Variants in RALYL observed in about 807,000 individuals in gnomAD.
The protein encoded by RALYL is RALY RNA binding protein like, also known as RNA-binding Raly-like protein.
A neutral mutation model predicts 35.1 loss-of-function variants in RALYL; 29 were observed. That is an observed-to-expected ratio of 0.83 (90% CI 0.61 to 1.13). RALYL has a LOEUF of 1.13. RALYL is among the 50% of genes most tolerant of loss of function. The pLI, the probability that RALYL is intolerant of heterozygous loss-of-function variation, is 0.00. For synonymous variants in RALYL, 120 were observed against 127.6 expected (o/e 0.94, Z 0.40); for missense variants, 359 against 360.4 (o/e 1.00, Z 0.03).
intron 4 of RALYL, among the ~76,000 whole-genome samples, chr8:84,841,990 C>A (rs1371489031): frequency 6.6e-6 from 1 of 152,196 alleles, no homozygotes; most frequent in Non-Finnish European, 1.5e-5. Context: ...AAATTCATAG[C>A]ACTAAATGCC....
chr8:84,372,888 T>TTTTTTTTTG (rs1374654819), intron 1 of RALYL, among the ~76,000 whole-genome samples: 9 of 107,580 alleles, frequency 8.4e-5, no homozygotes, highest in African/African-American at 3.8e-4. Context: ...CAGCATCTGT[T>TTTTTTTTTG]TTTTTTTTTT....
At chr8:84,560,544 G>T (rs1231177193) in intron 2 of RALYL, among the ~76,000 whole-genome samples, 1 of 151,794 alleles carries the variant, frequency 6.6e-6, no homozygotes, top group African/African-American at 2.4e-5. Context: ...ACTATTTCTA[G>T]CAATGCTCCC....
At chr8:84,337,915 G>A (rs1356843140) in intron 1 of RALYL, among the ~76,000 whole-genome samples, 2 of 151,880 alleles carry the variant, frequency 1.3e-5, no homozygotes, top group Non-Finnish European at 2.9e-5. Context: ...CCATTCACTG[G>A]GAGCTTAAAA....
At chr8:84,522,310 C>T (rs901910640) in intron 1 of RALYL, among the ~76,000 whole-genome samples, 32 of 143,180 alleles carry the variant, frequency 2.2e-4, no homozygotes, top group East Asian at 8.4e-4. Context: ...AGTGCAGTGG[C>T]GGGATCTCGG....
chr8:84,696,172 G>A (rs1483591745), intron 2 of RALYL, among the ~76,000 whole-genome samples: 3 of 151,338 alleles, frequency 2.0e-5, no homozygotes, highest in Admixed American at 6.6e-5. Context: ...AGTGCACAAA[G>A]TATATTATTT....
At chr8:84,471,168 C>G (rs778819411) in intron 1 of RALYL, among the ~76,000 whole-genome samples, 4 of 152,184 alleles carry the variant, frequency 2.6e-5, no homozygotes, top group Admixed American at 6.5e-5. Context: ...AAAGTCAAAT[C>G]ACACCATGTC....
In RALYL at chr8:84,854,300, C is replaced by A. The variant is rs191990360; in HGVS notation, c.413+4273C>A. ...GGCAGAGGTTGCAGTGAGCCGAGAT[C>A]GTGCCACTGCACTCCAGCCTGGGGA... On this transcript the variant is annotated intron_variant, in intron 5 of 8. Coordinates refer to ENST00000521268, the MANE Select transcript of RALYL (RefSeq NM_173848.7). Among the ~76,000 whole-genome samples the A allele has an allele frequency of 2.0e-3, 300 of 151,138 alleles. 3 individuals are homozygous for A. Among genetic ancestry groups the A allele is most frequent in the African/African-American group, 6.9e-3 (286 of 41,158 alleles).
intron 2 of RALYL, among the ~76,000 whole-genome samples, chr8:84,552,751 T>C (rs1005839990): frequency 2.6e-5 from 4 of 152,056 alleles, no homozygotes; most frequent in Non-Finnish European, 5.9e-5. Flanking sequence ...TGACTTCTTG[T>C]TGCAACTTCA....
intron 2 of RALYL, among the ~76,000 whole-genome samples, chr8:84,673,618 AATTTATT>A (rs1833671489): frequency 6.6e-6 from 1 of 152,124 alleles, no homozygotes; most frequent in Non-Finnish European, 1.5e-5. Flanking sequence ...ATCCCAGAAC[AATTTATT>A]GAATAGGGAA....
chr8:84,627,243 G>A (rs934777268), intron 2 of RALYL, among the ~76,000 whole-genome samples: 1 of 151,370 alleles, frequency 6.6e-6, no homozygotes, highest in African/African-American at 2.4e-5. Flanking sequence ...ATTTTTTCTC[G>A]CAGGGTGATC....
intron 4 of RALYL, among the ~76,000 whole-genome samples, chr8:84,813,805 G>A (rs1040979496): frequency 1.2e-4 from 18 of 151,924 alleles, no homozygotes; most frequent in African/African-American, 3.6e-4. Context: ...TGTGCACAAC[G>A]TGCAGGTTTG....
At chr8:84,663,201 T>C (rs765225214) in intron 2 of RALYL, among the ~76,000 whole-genome samples, 4 of 152,210 alleles carry the variant, frequency 2.6e-5, no homozygotes, top group African/African-American at 9.7e-5. Flanking sequence ...CCATGGTATA[T>C]ATGTACTATA....
intron 4 of RALYL, among the ~76,000 whole-genome samples, chr8:84,840,416 A>G (rs1485633670): frequency 6.6e-6 from 1 of 152,196 alleles, no homozygotes; most frequent in Non-Finnish European, 1.5e-5. Context: ...AGAAGTTTAG[A>G]GAAAAAAGAA....
At chr8:84,648,279 C>T (rs1003809245) in intron 2 of RALYL, among the ~76,000 whole-genome samples, 1 of 152,094 alleles carries the variant, frequency 6.6e-6, no homozygotes, top group Non-Finnish European at 1.5e-5. Flanking sequence ...ACAGGTGCCA[C>T]ATAAATTTGC....
chr8:84,609,048 A>G (rs1409342953), intron 2 of RALYL, among the ~76,000 whole-genome samples: 1 of 152,128 alleles, frequency 6.6e-6, no homozygotes, highest in Non-Finnish European at 1.5e-5. Context: ...TTTTTGGCTC[A>G]GTGTCCAGGG....
chr8:84,285,985 G>A (rs567554869), intron 1 of RALYL, among the ~76,000 whole-genome samples: 4 of 152,232 alleles, frequency 2.6e-5, no homozygotes, highest in African/African-American at 4.8e-5. Context: ...AGTAAGAAAC[G>A]TGAGAAATTT....
chr8:84,303,749 T>C (rs902822996), intron 1 of RALYL, among the ~76,000 whole-genome samples: 7 of 152,198 alleles, frequency 4.6e-5, no homozygotes, highest in Admixed American at 3.3e-4. Flanking sequence ...AATGATATAT[T>C]TTTTTGTTCC....
At chr8:84,322,658 C>G (rs564607907) in intron 1 of RALYL, among the ~76,000 whole-genome samples, 1 of 152,180 alleles carries the variant, frequency 6.6e-6, no homozygotes, top group African/African-American at 2.4e-5. Context: ...TTTTGTGAAG[C>G]TGGGTTGGAT....
rs201321120 is a variant in RALYL at position 84,592,474 on chromosome 8, T to C, written c.256+62897T>C. On this transcript the variant is annotated intron_variant, in intron 2 of 8. Transcript: ENST00000521268. ...CTGTCTATATAAGATATCCAAAATA[T>C]ATAGTTTAAATTTCCTTAAACTCTG... Among the ~76,000 whole-genome samples, 5 of 152,160 alleles carry C rather than the reference T, an allele frequency of 3.3e-5. No homozygotes were observed. In the East Asian group the frequency reaches 9.6e-4, roughly 29 times the overall value.
Sources: gnomAD v4.1 joint callset for allele counts (sites outside exome capture counted in the v4.1 genomes callset) on GRCh38, gnomAD v4.1.1 for gene constraint, MANE v1.5 for transcripts, NCBI Gene and HGNC (gene_info 2026-07-23, HGNC 2026-07-21) for gene names.